The following SCN11A variants were observed in gnomAD, a reference collection of about 807,000 sequenced individuals.
SCN11A encodes the protein sodium channel protein type 11 subunit alpha.
SCN11A carries 122 observed loss-of-function variants against 162.2 expected under a neutral mutation model. That is an observed-to-expected ratio of 0.75 (90% CI 0.65 to 0.87). The LOEUF is 0.87. SCN11A is among the 40% of genes least tolerant of loss of function. The pLI, the probability that SCN11A is intolerant of heterozygous loss-of-function variation, is 0.00. For synonymous variants in SCN11A, 758 were observed against 751.5 expected (o/e 1.01, Z -0.14); for missense variants, 2,015 against 2,181.6 (o/e 0.92, Z 1.52).
At chr3:38,900,632 A>C (rs1254720140) in intron 16 of SCN11A, among the ~76,000 whole-genome samples, 1 of 146,986 alleles carries the variant, frequency 6.8e-6, no homozygotes, top group Admixed American at 6.6e-5. Context: ...AGGGGCAAAA[A>C]AAAAAAAAAA....
intron 2 of SCN11A, among the ~76,000 whole-genome samples, chr3:39,014,428 T>C (rs2031230956): frequency 6.6e-6 from 1 of 152,174 alleles, no homozygotes; most frequent in Admixed American, 6.5e-5. Context: ...CATCACTTGG[T>C]TTCCAAACAG....
chr3:38,874,943 TATG>T (rs1417057556), intron 23 of SCN11A, among the ~76,000 whole-genome samples: 4 of 152,204 alleles, frequency 2.6e-5, no homozygotes, highest in Non-Finnish European at 4.4e-5. Context: ...TAATAAAAAT[TATG>T]ATGGTAATTT....
At chr3:38,901,613 T>G (rs2065700912) in intron 16 of SCN11A, among the ~76,000 whole-genome samples, 1 of 152,240 alleles carries the variant, frequency 6.6e-6, no homozygotes, top group Non-Finnish European at 1.5e-5. Context: ...AGTCCAGTCC[T>G]GCAGAACTCT....
chr3:38,891,012 A>C (rs1327400683), intron 19 of SCN11A, among the ~76,000 whole-genome samples: 1 of 152,256 alleles, frequency 6.6e-6, no homozygotes, highest in African/African-American at 2.4e-5. Flanking sequence ...ATGTGCAAAA[A>C]ACAAGAAAGT....
chr3:38,952,282 G>C (rs762263912), intron 4 of SCN11A, among the ~76,000 whole-genome samples: 14 of 152,110 alleles, frequency 9.2e-5, no homozygotes, highest in Non-Finnish European at 1.6e-4. Context: ...TAGCTTCTTT[G>C]AGGACTTTCT....
intron 11 of SCN11A, among the ~76,000 whole-genome samples, chr3:38,910,956 T>C (rs536689713): frequency 2.0e-5 from 3 of 152,320 alleles, no homozygotes; most frequent in Non-Finnish European, 2.9e-5. Flanking sequence ...TACATGCACA[T>C]GGCTTAAAAA....
At chr3:38,907,308 ATATGTGTGTGTG>A (rs1231686222) in intron 14 of SCN11A, among the ~76,000 whole-genome samples, 5 of 33,920 alleles carry the variant, frequency 1.5e-4, no homozygotes, top group South Asian at 2.2e-3. Flanking sequence ...ATACCAACAT[ATATGTGTGTGTG>A]TGTGTGTGTG....
At chr3:38,915,517 T>C (rs898929218) in intron 11 of SCN11A, among the ~76,000 whole-genome samples, 2 of 152,184 alleles carry the variant, frequency 1.3e-5, no homozygotes, top group African/African-American at 4.8e-5. Flanking sequence ...TTCTCATTAG[T>C]TCCAAAAAAC....
chr3:38,860,056 A>C (rs1361820628), intron 28 of SCN11A, among the ~76,000 whole-genome samples: 1 of 151,994 alleles, frequency 6.6e-6, no homozygotes, highest in African/African-American at 2.4e-5. Context: ...TGCCTCAACC[A>C]GTTCTGCCAT....
At chr3:38,994,694 C>A (rs990513262) in intron 2 of SCN11A, among the ~76,000 whole-genome samples, 5 of 152,084 alleles carry the variant, frequency 3.3e-5, no homozygotes, top group African/African-American at 7.2e-5. Context: ...AGGGGTTTGT[C>A]AAGCCAAAGC....
intron 28 of SCN11A, among the ~76,000 whole-genome samples, chr3:38,853,643 C>T (rs1216988850): frequency 6.6e-6 from 1 of 151,970 alleles, no homozygotes; most frequent in African/African-American, 2.4e-5. Context: ...TATGCCAGGC[C>T]CTATTCTGGG....
rs185527901 is a variant in SCN11A at position 38,962,760 on chromosome 3, A to G, written c.-279-2337T>C. Reference sequence around the variant, plus strand: ...CTACTCAGGAGGCTGAGGCAGAAGAATCACTTGAACCCAGGGAGCGGAGGT... The same window carrying G: ...CTACTCAGGAGGCTGAGGCAGAAGAGTCACTTGAACCCAGGGAGCGGAGGT... On this transcript the variant is annotated intron_variant, in intron 2 of 29. Transcript: ENST00000302328. 4.7e-3 allele frequency among the ~76,000 whole-genome samples: 716 copies of G among 152,250 alleles called. 2 individuals carry two copies. Among genetic ancestry groups the G allele is most frequent in the Middle Eastern group, 6.8e-3 (2 of 294 alleles).
intron 19 of SCN11A, among the ~76,000 whole-genome samples, chr3:38,887,008 A>G (rs1337966776): frequency 1.3e-5 from 2 of 152,154 alleles, no homozygotes; most frequent in Non-Finnish European, 2.9e-5. Context: ...ATCTTGAAAT[A>G]CAGCCTTGGA....
chr3:38,875,491 A>T lies in SCN11A; in HGVS notation c.3394-3197T>A, dbSNP rs1405322995. On this transcript the variant is annotated intron_variant, in intron 23 of 29. Transcript: ENST00000302328. The stretch of plus-strand genomic sequence containing the variant: ...ATCCAAAAAACTCCTAGAACTGGCA[A>T]ATGAATTCAGCAAAGTTTCAGGATA... 2.0e-5 allele frequency among the ~76,000 whole-genome samples: 3 copies of T among 152,150 alleles called. No homozygotes were observed. In the East Asian group the frequency reaches 5.8e-4, roughly 29 times the overall value.
In SCN11A at chr3:38,896,985, A is replaced by G. The variant is rs2065611375; in HGVS notation, c.2263T>C (p.Trp755Arg). 1.2e-6 allele frequency: 2 copies of G among 1,614,058 alleles called. No individual in the cohort carries two copies. Among genetic ancestry groups the G allele is most frequent in the Non-Finnish European group, 1.7e-6 (2 of 1,180,024 alleles). Reference sequence around the variant, plus strand: ...CGGAATACCACTAGGAAGGAGTGCCAGAAATCCCCCATGTGCCAGTGCCGT... The same window carrying G: ...CGGAATACCACTAGGAAGGAGTGCCGGAAATCCCCCATGTGCCAGTGCCGT... ...CLRHWHMGDF[W>R]HSFLVVFRIL... The change falls in exon 18 of 30, where the codon TGG (tryptophan) becomes CGG (arginine). Residue 755 changes from tryptophan to arginine, a missense_variant. Coordinates refer to ENST00000302328, the MANE Select transcript of SCN11A (RefSeq NM_001349253.2).
intron 9 of SCN11A, among the ~76,000 whole-genome samples, chr3:38,922,251 G>A (rs2066065608): frequency 6.6e-6 from 1 of 152,232 alleles, no homozygotes; most frequent in Admixed American, 6.5e-5. Context: ...TTCCCACAAA[G>A]TATAACACCA....
chr3:38,948,405 A>C (rs1285905779), intron 5 of SCN11A, among the ~76,000 whole-genome samples: 1 of 152,224 alleles, frequency 6.6e-6, no homozygotes, highest in Non-Finnish European at 1.5e-5. Context: ...AATGATAGGT[A>C]CTAGCTCCTC....
chr3:38,910,260 C>A, intron 11 of SCN11A, 53 bp from the exon 12 acceptor site: 12 of 1,562,108 alleles, frequency 7.7e-6, no homozygotes, highest in South Asian at 1.2e-5. Flanking sequence ...AGCCAAGCTT[C>A]TTTTTCCTTC....
intron 1 of SCN11A, among the ~76,000 whole-genome samples, chr3:39,034,569 C>T (rs535161562): frequency 2.0e-5 from 3 of 152,332 alleles, no homozygotes; most frequent in Non-Finnish European, 4.4e-5. Context: ...CCACTTTCAT[C>T]ACTGTTATTG....
Sources: gnomAD v4.1 joint callset for allele counts (sites outside exome capture counted in the v4.1 genomes callset) on GRCh38, gnomAD v4.1.1 for gene constraint, MANE v1.5 for transcripts, NCBI Gene and HGNC (gene_info 2026-07-23, HGNC 2026-07-21) for gene names.